Variants in MAF observed in about 807,000 individuals in gnomAD.
The protein encoded by MAF is MAF bZIP transcription factor, also known as transcription factor Maf.
Under a neutral mutation model 22.0 loss-of-function variants are expected in MAF, and 10 were observed. The ratio of observed to expected loss-of-function variants is 0.45; its 90% CI spans 0.28 to 0.77. The LOEUF is 0.77. Among genes scored for constraint, MAF ranks in the 30% least tolerant of loss-of-function variants. MAF has a pLI of 0.12. For synonymous variants in MAF, 337 were observed against 255.8 expected, an observed-to-expected ratio of 1.32 and a Z score of -3.03; for missense variants, 544 against 548.4, an observed-to-expected ratio of 0.99 and a Z score of 0.08.
the MAF span, among the ~76,000 whole-genome samples, chr16:79,575,842 A>G: frequency 6.6e-6 from 1 of 152,198 alleles, no homozygotes. Flanking sequence ...CCAAGACCCT[A>G]GGAAATTAAC....
At chr16:79,295,702 G>A in the MAF span, among the ~76,000 whole-genome samples, 1 of 152,256 alleles carries the variant, frequency 6.6e-6, no homozygotes, top group Non-Finnish European at 1.5e-5. Context: ...GTGTCACAAA[G>A]CAGGGTCTCC....
chr16:79,208,630 A>ATTT, the MAF span, among the ~76,000 whole-genome samples: 1 of 81,296 alleles, frequency 1.2e-5, no homozygotes, highest in Non-Finnish European at 2.8e-5. Flanking sequence ...GTGCTCTTTA[A>ATTT]ATTTTTTTTT....
chr16:79,434,774 A>T, the MAF span, among the ~76,000 whole-genome samples: 1 of 152,134 alleles, frequency 6.6e-6, no homozygotes, highest in South Asian at 2.1e-4. Context: ...TAAATATTAC[A>T]TTTTAAAAGA....
chr16:79,549,559 C>A, the MAF span, among the ~76,000 whole-genome samples: 9 of 152,336 alleles, frequency 5.9e-5, no homozygotes, highest in East Asian at 1.4e-3. Flanking sequence ...TGGCCCTTGG[C>A]ATGGCCAGTG....
the MAF span, among the ~76,000 whole-genome samples, chr16:79,545,632 TTTTGGTCTATC>T: frequency 6.6e-6 from 1 of 152,174 alleles, no homozygotes; most frequent in African/African-American, 2.4e-5. Flanking sequence ...GCATCTTATT[TTTTGGTCTATC>T]TTTGATCTCA....
At chr16:79,349,168 G>T in the MAF span, among the ~76,000 whole-genome samples, 1 of 152,152 alleles carries the variant, frequency 6.6e-6, no homozygotes, top group African/African-American at 2.4e-5. Flanking sequence ...GCTCAGAGAC[G>T]TCCTCTGCCT....
chr16:79,311,088 G>C, the MAF span, among the ~76,000 whole-genome samples: 5 of 150,896 alleles, frequency 3.3e-5, no homozygotes, highest in African/African-American at 1.2e-4. Flanking sequence ...CCTCCCCTCT[G>C]TGGTGTCTCA....
At chr16:79,264,060 A>G in the MAF span, among the ~76,000 whole-genome samples, 1 of 152,228 alleles carries the variant, frequency 6.6e-6, no homozygotes, top group African/African-American at 2.4e-5. Flanking sequence ...TAAATGGAGA[A>G]GACTCCAGGG....
At chr16:79,393,819 A>G in the MAF span, among the ~76,000 whole-genome samples, 1 of 152,202 alleles carries the variant, frequency 6.6e-6, no homozygotes, top group Non-Finnish European at 1.5e-5. Context: ...GGAGCTGATG[A>G]ATGCTGGGCC....
At chr16:79,551,413 A>G in the MAF span, among the ~76,000 whole-genome samples, 18 of 152,156 alleles carry the variant, frequency 1.2e-4, no homozygotes, top group Non-Finnish European at 2.4e-4. Flanking sequence ...CCTGTGGGTA[A>G]TTTATGGAAG....
the MAF span, among the ~76,000 whole-genome samples, chr16:79,504,498 T>C: frequency 6.6e-6 from 1 of 152,322 alleles, no homozygotes; most frequent in South Asian, 2.1e-4. Context: ...TCTCTGAAGA[T>C]TAGGTGGGAA....
chr16:79,365,935 A>G, the MAF span, among the ~76,000 whole-genome samples: 1 of 152,248 alleles, frequency 6.6e-6, no homozygotes, highest in Non-Finnish European at 1.5e-5. Context: ...TTTGGACTTT[A>G]TGACTCCTTC....
chr16:79,340,937 CAG>C, the MAF span, among the ~76,000 whole-genome samples: 2 of 152,092 alleles, frequency 1.3e-5, no homozygotes, highest in Non-Finnish European at 2.9e-5. Flanking sequence ...GATAGCAAGA[CAG>C]AGGAAGATGG....
chr16:79,590,211 G>C (rs1913110213), downstream of MAF, among the ~76,000 whole-genome samples: 1 of 152,120 alleles, frequency 6.6e-6, no homozygotes, highest in Admixed American at 6.5e-5. Flanking sequence ...TTGGCGGAGG[G>C]GGGGATGATG....
At chr16:79,344,745 T>G in the MAF span, among the ~76,000 whole-genome samples, 8 of 152,166 alleles carry the variant, frequency 5.3e-5, no homozygotes, top group African/African-American at 1.9e-4. Context: ...TTATTTATAT[T>G]AGGTATGTCT....
chr16:79,544,551 G>T, the MAF span, among the ~76,000 whole-genome samples: 7 of 152,066 alleles, frequency 4.6e-5, no homozygotes, highest in Admixed American at 3.9e-4. Context: ...GAGTTGGGTG[G>T]ATCACAAGGT....
At chr16:79,504,562 AATGGATGGATGGACGG>A in the MAF span, among the ~76,000 whole-genome samples, 3 of 152,248 alleles carry the variant, frequency 2.0e-5, no homozygotes, top group Admixed American at 6.5e-5. Flanking sequence ...TTCTTACTTG[AATGGATGGATGGACGG>A]ATGGATGGAT....
the MAF span, among the ~76,000 whole-genome samples, chr16:79,492,414 C>T: frequency 1.3e-5 from 2 of 152,028 alleles, no homozygotes; most frequent in Non-Finnish European, 2.9e-5. Flanking sequence ...GGATCTGACC[C>T]TGTATTTGGG....
the MAF span, among the ~76,000 whole-genome samples, chr16:79,421,371 C>T: frequency 3.9e-5 from 6 of 152,288 alleles, no homozygotes; most frequent in East Asian, 1.9e-4. Context: ...GTGCTCTGCC[C>T]ATTCATCCCT....
Sources: allele counts gnomAD v4.1 joint callset (sites outside exome capture counted in the v4.1 genomes callset), GRCh38; gene constraint gnomAD v4.1.1; transcripts MANE v1.5; gene names NCBI Gene and HGNC (gene_info 2026-07-23, HGNC 2026-07-21).